Variants in SEMA6A observed in about 807,000 individuals in gnomAD.
The protein encoded by SEMA6A is semaphorin 6A, also known as semaphorin-6A.
A neutral mutation model predicts 96.8 loss-of-function variants in SEMA6A; 25 were observed. The ratio of observed to expected loss-of-function variants is 0.26; its 90% confidence interval spans 0.19 to 0.36. SEMA6A has a LOEUF of 0.36. SEMA6A is among the 10% of genes least tolerant of loss of function. SEMA6A has a pLI of 1.00. For missense variants in SEMA6A, 1,363 were observed against 1,323.1 expected (o/e 1.03, Z -0.47); for synonymous variants, 612 against 518.0 (o/e 1.18, Z -2.46).
At chr5:116,533,246 CTTT>C (rs1458764072) in intron 1 of SEMA6A, among the ~76,000 whole-genome samples, 1 of 147,400 alleles carries the variant, frequency 6.8e-6, no homozygotes, top group Non-Finnish European at 1.5e-5. Flanking sequence ...AGATTTCCTT[CTTT>C]GTTTTTCCTT....
At position 116,446,959 on chromosome 5, in the gene SEMA6A, T is replaced by A; in HGVS notation, c.2747A>T (p.Tyr916Phe). The change falls in exon 19 of 19, where the codon TAT becomes TTT. Residue 916 changes from tyrosine to phenylalanine, a missense_variant. Physicochemically the swap from Tyr to Phe is conservative, Grantham distance 22. Transcript: ENST00000343348. Reference protein sequence around the residue: ...MHHSSSYGVDYKRSYPTNSLT... With the variant: ...MHHSSSYGVDFKRSYPTNSLT... ...CGAGTTCGTGGGGTAGCTCCTCTTATAGTCAACCCCGTAGGAAGAGGAGTG... is the reference window on the plus strand; with the variant it reads ...CGAGTTCGTGGGGTAGCTCCTCTTAAAGTCAACCCCGTAGGAAGAGGAGTG... 1.2e-6 allele frequency: 2 copies of A among 1,613,918 alleles called. No individual in the cohort carries two copies. Among genetic ancestry groups the A allele is most frequent in the Non-Finnish European group, 1.7e-6 (2 of 1,179,864 alleles).
intron 1 of SEMA6A, among the ~76,000 whole-genome samples, chr5:116,565,443 A>C (rs1475113080): frequency 1.3e-5 from 2 of 152,340 alleles, no homozygotes; most frequent in Non-Finnish European, 1.5e-5. Context: ...TCCCAGCGAC[A>C]GTGTCTAGCT....
rs1170042159 is a variant in SEMA6A, at chr5:116,447,013, G to A, written c.2693C>T (p.Thr898Ile). Residue 898 changes from threonine to isoleucine, a missense_variant, in exon 19 of 19, where the codon ACC becomes ATC. Around this residue, in one of 2 missense-constraint regions of SEMA6A, gnomAD observed 883 missense variants for 763.6 expected, o/e 1.16. Transcript: ENST00000343348. ...LGPPGASLSQ[T>I]GLSKRLEMHH... ...CATTTCCAGCCGCTTGCTTAGACCG[G>A]TCTGAGACAGGGAGGCTCCCGGGGG... 2 of 1,613,814 alleles carry A rather than the reference G, an allele frequency of 1.2e-6. No individual in the cohort carries two copies. The highest frequency in any genetic ancestry group is 2.7e-5 in the African/African-American group (2 of 74,906).
intron 1 of SEMA6A, among the ~76,000 whole-genome samples, chr5:116,527,266 G>A (rs1238055476): frequency 1.3e-5 from 2 of 151,962 alleles, no homozygotes; most frequent in Non-Finnish European, 2.9e-5. Flanking sequence ...AAAAAAAGAA[G>A]CAATTGAATA....
intron 1 of SEMA6A, among the ~76,000 whole-genome samples, chr5:116,568,874 CAT>C (rs771264276): frequency 2.5e-4 from 38 of 152,108 alleles, no homozygotes; most frequent in Non-Finnish European, 4.6e-4. Context: ...CACACACACA[CAT>C]GCATGCATGA....
rs1754114108 is a variant in SEMA6A, at chr5:116,445,323, A to G, written c.*1290T>C. ...GTGTAAGGCACAAATTTACATGTGG[A>G]AAACAGGCTATTCACAGATGTAACC... On this transcript the variant is annotated 3_prime_UTR_variant, in exon 19 of 19. Transcript: ENST00000343348. 1 of 152,678 alleles carries G rather than the reference A, an allele frequency of 6.5e-6. No individual in the cohort carries two copies. The highest frequency in any genetic ancestry group is 1.9e-4 in the East Asian group (1 of 5,202). The allele number at this position is 152,678 out of a possible 1,614,324, so 9.5% of individuals were successfully genotyped here. A position where few individuals can be genotyped will look rare whatever the true frequency, so the allele number is the denominator to read the frequency against.
chr5:116,491,807 C>T lies in SEMA6A; in HGVS notation c.468G>A (p.Gly156=), dbSNP rs1175606991. 1 of 1,613,266 alleles carries T rather than the reference C, an allele frequency of 6.2e-7. No homozygotes were observed. Reference sequence around the variant, plus strand: ...ATCTGGCCATTCCGCTGAATTCATCCCCGAATGGTTCCAATGTATCCATCT... The same window carrying T: ...ATCTGGCCATTCCGCTGAATTCATCTCCGAATGGTTCCAATGTATCCATCT... The part of the protein sequence containing the change: ...NYKMDTLEPF[G]DEFSGMARCP... Residue 156 remains glycine (G), a synonymous_variant, in exon 7 of 19, where the codon GGG becomes GGA. Coordinates refer to ENST00000343348, the MANE Select transcript of SEMA6A (RefSeq NM_020796.5).
chr5:116,453,024 C>T (rs767620972), intron 18 of SEMA6A, among the ~76,000 whole-genome samples: 10 of 152,310 alleles, frequency 6.6e-5, no homozygotes, highest in South Asian at 6.2e-4. Flanking sequence ...AAAAGCTTTA[C>T]ATTGGAAATG....
chr5:116,498,832 C>T (rs1757737299), intron 3 of SEMA6A: 1 of 152,180 alleles, frequency 6.6e-6, no homozygotes, highest in African/African-American at 2.4e-5. Context: ...CTTTTCCTTG[C>T]CTGCCTCCCC....
chr5:116,566,190 C>T, intron 1 of SEMA6A, among the ~76,000 whole-genome samples: 1 of 152,134 alleles, frequency 6.6e-6, no homozygotes, highest in East Asian at 1.9e-4. Flanking sequence ...CAAATCATGG[C>T]CAAAGGCTGG....
chr5:116,477,356 T>C (rs1250850725), intron 15 of SEMA6A, among the ~76,000 whole-genome samples: 1 of 152,224 alleles, frequency 6.6e-6, no homozygotes, highest in African/African-American at 2.4e-5. Context: ...TCAACTGTTC[T>C]TCAGCGCAGG....
At chr5:116,528,177 AAT>A (rs1301306542) in intron 1 of SEMA6A, among the ~76,000 whole-genome samples, 3 of 152,148 alleles carry the variant, frequency 2.0e-5, no homozygotes, top group Non-Finnish European at 4.4e-5. Flanking sequence ...CAATTGGAAA[AAT>A]ATTCTTAAAT....
At chr5:116,455,570 A>T (rs1754962326) in intron 18 of SEMA6A, among the ~76,000 whole-genome samples, 1 of 152,202 alleles carries the variant, frequency 6.6e-6, no homozygotes, top group African/African-American at 2.4e-5. Flanking sequence ...AAGCCACAAA[A>T]TGGAGAAGTG....
chr5:116,508,874 A>ATAAAGG (rs1758268533), intron 1 of SEMA6A, among the ~76,000 whole-genome samples: 1 of 152,202 alleles, frequency 6.6e-6, no homozygotes, highest in Non-Finnish European at 1.5e-5. Context: ...GGGAACCTTT[A>ATAAAGG]TACTACCCAG....
chr5:116,505,139 C>T (rs746632685), intron 1 of SEMA6A, among the ~76,000 whole-genome samples, 157 bp from the exon 2 acceptor site: 2 of 152,104 alleles, frequency 1.3e-5, no homozygotes, highest in African/African-American at 2.4e-5. Flanking sequence ...AACTTGTACC[C>T]GTTACCTACT....
chr5:116,558,273 A>G (rs1212280422), intron 1 of SEMA6A, among the ~76,000 whole-genome samples: 2 of 152,170 alleles, frequency 1.3e-5, no homozygotes, highest in East Asian at 3.9e-4. Context: ...AGATAAATAT[A>G]GAATACCCAT....
chr5:116,525,105 G>T (rs981015060), intron 1 of SEMA6A, among the ~76,000 whole-genome samples: 1 of 152,172 alleles, frequency 6.6e-6, no homozygotes, highest in Non-Finnish European at 1.5e-5. Context: ...TTGTAAACAT[G>T]GCCTTTGAAG....
intron 1 of SEMA6A, among the ~76,000 whole-genome samples, chr5:116,551,447 T>C (rs552056826): frequency 6.6e-6 from 1 of 152,118 alleles, no homozygotes; most frequent in African/African-American, 2.4e-5. Flanking sequence ...ACTTATCTAG[T>C]GCTTATGATG....
intron 1 of SEMA6A, among the ~76,000 whole-genome samples, chr5:116,542,370 T>C (rs1393690493): frequency 6.6e-6 from 1 of 152,208 alleles, no homozygotes; most frequent in Non-Finnish European, 1.5e-5. Flanking sequence ...TTCATTACTC[T>C]ATTGCACTTT....
Sources: gnomAD v4.1 joint callset for allele counts (sites outside exome capture counted in the v4.1 genomes callset) on GRCh38, gnomAD v4.1.1 for gene constraint, gnomAD v4.1.1 regional missense constraint, MANE v1.5 for transcripts, NCBI Gene and HGNC (gene_info 2026-07-23, HGNC 2026-07-21) for gene names.